The following TAFA2 variants were observed in gnomAD, a reference collection of about 807,000 sequenced individuals.
TAFA2 encodes chemokine-like protein TAFA-2.
Under a neutral mutation model 18.8 loss-of-function variants are expected in TAFA2, and 7 were observed. That is an observed-to-expected ratio of 0.37 (90% CI 0.21 to 0.70). TAFA2 has a LOEUF of 0.70. Ranked by LOEUF, TAFA2 falls within the 30% of genes least tolerant of loss-of-function variation. TAFA2 has a pLI of 0.53. For missense variants in TAFA2, 122 were observed against 158.1 expected, an observed-to-expected ratio of 0.77 and a Z score of 1.23; for synonymous variants, 60 against 54.2, an observed-to-expected ratio of 1.11 and a Z score of -0.47.
At chr12:62,064,326 C>T (rs1043260199) in intron 1 of TAFA2, among the ~76,000 whole-genome samples, 1 of 151,940 alleles carries the variant, frequency 6.6e-6, no homozygotes, top group Non-Finnish European at 1.5e-5. Context: ...TACATATACA[C>T]AAAAAAGTTT....
chr12:61,774,717 T>C (rs182234022), intron 2 of TAFA2, among the ~76,000 whole-genome samples: 3 of 151,520 alleles, frequency 2.0e-5, no homozygotes, highest in Admixed American at 6.6e-5. Flanking sequence ...TTGGGTACAG[T>C]GTACACTCCT....
intron 1 of TAFA2, among the ~76,000 whole-genome samples, chr12:62,128,661 G>A (rs1218432085): frequency 6.6e-6 from 1 of 151,992 alleles, no homozygotes; most frequent in African/African-American, 2.4e-5. Context: ...GGATGGCAAG[G>A]ACTATTCATA....
At chr12:61,922,817 C>A (rs1371363458) in intron 1 of TAFA2, among the ~76,000 whole-genome samples, 4 of 152,180 alleles carry the variant, frequency 2.6e-5, no homozygotes, top group Non-Finnish European at 5.9e-5. Context: ...GATCCACCCC[C>A]ATGGAGCCCA....
chr12:61,994,101 A>G (rs1446953398), intron 1 of TAFA2, among the ~76,000 whole-genome samples: 1 of 152,126 alleles, frequency 6.6e-6, no homozygotes, highest in Non-Finnish European at 1.5e-5. Context: ...CATTTACTCT[A>G]TCCTTTGTCC....
At chr12:61,854,841 T>A (rs1873818889) in intron 2 of TAFA2, among the ~76,000 whole-genome samples, 2 of 152,134 alleles carry the variant, frequency 1.3e-5, no homozygotes, top group South Asian at 4.1e-4. Context: ...AACAGCTAAA[T>A]GATATGCTTC....
At chr12:62,087,976 G>A (rs1868527779) in intron 1 of TAFA2, among the ~76,000 whole-genome samples, 1 of 152,084 alleles carries the variant, frequency 6.6e-6, no homozygotes, top group Non-Finnish European at 1.5e-5. Context: ...CCCTGGGACA[G>A]AGCTGATTTC....
At chr12:61,835,188 C>T (rs1872870481) in intron 2 of TAFA2, among the ~76,000 whole-genome samples, 1 of 151,928 alleles carries the variant, frequency 6.6e-6, no homozygotes, top group African/African-American at 2.4e-5. Flanking sequence ...TCATACACAA[C>T]CCAGAGGATT....
intron 2 of TAFA2, among the ~76,000 whole-genome samples, chr12:61,778,267 G>A (rs764798498): frequency 2.0e-5 from 3 of 151,624 alleles, no homozygotes; most frequent in African/African-American, 7.3e-5. Flanking sequence ...ACTATCTCTC[G>A]AGCCTAAGGG....
intron 1 of TAFA2, among the ~76,000 whole-genome samples, chr12:62,030,354 C>G (rs922495204): frequency 1.3e-5 from 2 of 151,886 alleles, no homozygotes; most frequent in African/African-American, 4.8e-5. Flanking sequence ...TTTAAATGGC[C>G]CCGAATTGAG....
At chr12:62,071,455 A>G (rs1460151242) in intron 1 of TAFA2, among the ~76,000 whole-genome samples, 4 of 152,158 alleles carry the variant, frequency 2.6e-5, no homozygotes. Context: ...GCAGGAGAGC[A>G]ACATGGTCTC....
intron 1 of TAFA2, among the ~76,000 whole-genome samples, chr12:62,038,225 A>G (rs1881662401): frequency 6.6e-6 from 1 of 152,160 alleles, no homozygotes; most frequent in Non-Finnish European, 1.5e-5. Flanking sequence ...GATTTTTGCT[A>G]AAATAATAGA....
At chr12:61,808,629 G>A (rs1871728935) in intron 2 of TAFA2, among the ~76,000 whole-genome samples, 1 of 151,314 alleles carries the variant, frequency 6.6e-6, no homozygotes, top group Admixed American at 6.6e-5. Flanking sequence ...GTTACGGTTG[G>A]GTCCATGTTT....
intron 1 of TAFA2, among the ~76,000 whole-genome samples, chr12:62,179,074 A>T (rs182361859): frequency 1.3e-5 from 2 of 152,382 alleles, no homozygotes; most frequent in East Asian, 3.9e-4. Flanking sequence ...TTTGTAAACA[A>T]TATAGCACTA....
intron 1 of TAFA2, among the ~76,000 whole-genome samples, chr12:62,093,425 CTATTGTA>C (rs1868805427): frequency 6.6e-6 from 1 of 151,970 alleles, no homozygotes. Context: ...CAGACAAAAT[CTATTGTA>C]TATTGGCATT....
chr12:61,936,540 C>A (rs1182343137), intron 1 of TAFA2, among the ~76,000 whole-genome samples: 2 of 152,046 alleles, frequency 1.3e-5, no homozygotes, highest in African/African-American at 2.4e-5. Flanking sequence ...TGCACTCCAG[C>A]CTGGGTGACA....
chr12:62,036,210 T>A (rs1209347795), intron 1 of TAFA2, among the ~76,000 whole-genome samples: 1 of 152,136 alleles, frequency 6.6e-6, no homozygotes. Context: ...TCTTACCTGA[T>A]TAAGAACCAC....
intron 1 of TAFA2, among the ~76,000 whole-genome samples, chr12:62,138,864 G>A (rs898217743): frequency 2.0e-5 from 3 of 152,152 alleles, no homozygotes; most frequent in Non-Finnish European, 4.4e-5. Flanking sequence ...TGCAGAAGAG[G>A]TGTGAGCTTT....
At chr12:62,032,558 C>T (rs762574882) in intron 1 of TAFA2, among the ~76,000 whole-genome samples, 4 of 152,114 alleles carry the variant, frequency 2.6e-5, no homozygotes, top group East Asian at 1.9e-4. Context: ...TCAAGACCCC[C>T]GGCATGAAAA....
chr12:61,805,723 G>T (rs181553077), intron 2 of TAFA2, among the ~76,000 whole-genome samples: 4 of 152,164 alleles, frequency 2.6e-5, no homozygotes, highest in African/African-American at 9.6e-5. Flanking sequence ...TGTGGAAATG[G>T]CAACTTATTT....
Sources: allele counts gnomAD v4.1 joint callset (sites outside exome capture counted in the v4.1 genomes callset), GRCh38; gene constraint gnomAD v4.1.1; transcripts MANE v1.5; gene names NCBI Gene and HGNC (gene_info 2026-07-23, HGNC 2026-07-21).